The following POLRMT variants were observed in gnomAD, a reference collection of about 807,000 sequenced individuals.
POLRMT encodes the protein RNA polymerase mitochondrial, also known as DNA-directed RNA polymerase, mitochondrial.
Under a neutral mutation model 132.2 loss-of-function variants are expected in POLRMT, and 114 were observed. That is an observed-to-expected ratio of 0.86 (90% CI 0.74 to 1.01). The LOEUF (loss-of-function observed/expected upper bound fraction) is 1.01, where lower values mean the gene tolerates loss of function less well. POLRMT is among the 50% of genes least tolerant of loss of function. The pLI is 0.00. For synonymous variants in POLRMT, 1,020 were observed against 773.4 expected (o/e 1.32, Z -5.29); for missense variants, 2,003 against 1,729.1 (o/e 1.16, Z -2.81).
rs10853990 is a variant in POLRMT, at chr19:619,574, T to G, written c.3066+12A>C. 0.49 allele frequency: 790,373 copies of G among 1,610,862 alleles called. 198,815 individuals carry two copies. Among genetic ancestry groups the G allele is most frequent in the South Asian group, 0.74 (67,394 of 90,998 alleles). On this transcript the variant is annotated intron_variant, in intron 13 of 20. Coordinates refer to ENST00000588649, the MANE Select transcript of POLRMT (RefSeq NM_005035.4). ...AAACCAACGTGTTCGCAGCGCGACA[T>G]GCCTGGCGCACCTGGGGAAAGTCGC...
chr19:618,029 A>G, intron 17 of POLRMT, 180 bp from the exon 18 acceptor site: 3 of 602,366 alleles, frequency 5.0e-6, no homozygotes, highest in Non-Finnish European at 8.8e-6. Flanking sequence ...GTATCAGTAC[A>G]GGGGGAGGAA....
In POLRMT at chr19:622,757, G is replaced by A. The variant is rs553415352; in HGVS notation, c.1456-5C>T. The A allele has an allele frequency of 5.7e-6, 9 of 1,582,934 alleles. No individual in the cohort carries two copies. The African/African-American group carries it at 9.4e-5, about 17-fold the overall frequency. ...GGCGGGCAGCGCCTGCAGGACCTGC[G>A]GAAGGCAGCCGTGAGTGCCTGCCCG... On this transcript the variant is annotated splice_region_variant and splice_polypyrimidine_tract_variant and intron_variant, in intron 7 of 20. Coordinates refer to ENST00000588649, the MANE Select transcript of POLRMT (RefSeq NM_005035.4).
Position 617,771 on chromosome 19 carries a change from G to C in POLRMT, c.3495+6C>G. 1.2e-6 allele frequency: 2 copies of C among 1,613,190 alleles called. No homozygotes were observed. The highest frequency in any genetic ancestry group is 2.7e-5 in the African/African-American group (2 of 75,000). ...GGGTGGACTGAGGCTCAGACTACGG[G>C]GGCACCTGGTTCATGACGGAGACAT... On this transcript the variant is annotated splice_donor_region_variant and intron_variant, in intron 18 of 20. Coordinates refer to ENST00000588649, the MANE Select transcript of POLRMT (RefSeq NM_005035.4).
intron 17 of POLRMT, chr19:618,243 T>C (rs1600553070): frequency 3.6e-6 from 2 of 551,098 alleles, no homozygotes; most frequent in Non-Finnish European, 6.5e-6. Context: ...TGCCAAGAAA[T>C]GCCCAGCAGG....
rs746331520 is a variant in POLRMT, at chr19:629,653, C to G, written c.709G>C (p.Asp237His). Residue 237 changes from aspartate to histidine, a missense_variant, in exon 3 of 21, where the codon GAC becomes CAC. Asp to His is a moderately conservative substitution (Grantham distance 81, BLOSUM62 -1). Coordinates refer to ENST00000588649, the MANE Select transcript of POLRMT (RefSeq NM_005035.4). ...AGGTGGTGGGCGAGGGGCAGCTGGT[C>G]AGTGAGCAGGCAGCACTTGAAGAAG... ...LAFFKCCLLTDQLPLAHHLLV... is the reference protein window; with the variant it reads ...LAFFKCCLLTHQLPLAHHLLV... 5.6e-6 allele frequency: 9 copies of G among 1,610,426 alleles called. No individual in the cohort carries two copies. The South Asian group carries it at 9.9e-5, about 18-fold the overall frequency.
rs756496884 is a variant in POLRMT, at chr19:617,270, G to C, written c.*4C>G. 1.4e-5 allele frequency: 22 copies of C among 1,612,728 alleles called. No individual in the cohort carries two copies. Among genetic ancestry groups the C allele is most frequent in the Non-Finnish European group, 1.7e-5 (20 of 1,179,832 alleles). ...ATTTACACACTGACAAGGCTCACGG[G>C]GTGTCAGCTGAAGAAGTAGGTGGAA... On this transcript the variant is annotated 3_prime_UTR_variant, in exon 21 of 21. Coordinates refer to ENST00000588649, the MANE Select transcript of POLRMT (RefSeq NM_005035.4).
Position 624,778 on chromosome 19 carries a change from G to A in POLRMT, c.1081C>T (p.Pro361Ser). The A allele has an allele frequency of 1.2e-6, 2 of 1,613,652 alleles. No individual in the cohort carries two copies. The highest frequency in any genetic ancestry group is 1.7e-6 in the Non-Finnish European group (2 of 1,180,016). The change falls in exon 5 of 21, where the codon CCG (proline) becomes TCG (serine). Residue 361 changes from proline (P) to serine (S), a missense_variant. Coordinates refer to ENST00000588649, the MANE Select transcript of POLRMT (RefSeq NM_005035.4). ...VHKVKPTFSL[P>S]PQLPPPVNTS... ...TTGACCGGGGGCGGCAGCTGCGGCG[G>A]GAGGCTGAAGGTGGGCTTCACCTTG...
chr19:621,362 G>A lies in POLRMT; in HGVS notation c.2336C>T (p.Ala779Val), dbSNP rs760792676. 25 of 1,564,820 alleles carry A rather than the reference G, an allele frequency of 1.6e-5. No individual in the cohort carries two copies. The highest frequency in any genetic ancestry group is 9.1e-5 in the Admixed American group (5 of 54,884). The change falls in exon 10 of 21, where the codon GCG becomes GTG. Residue 779 changes from alanine to valine, a missense_variant. By Grantham distance (64) the Ala-to-Val change is moderately conservative. Transcript: ENST00000588649. The stretch of plus-strand genomic sequence containing the variant: ...CTGCGCCAGCGAGAGGCGGTACAGC[G>A]CCTCCGCCCGCAGGCTGTGCATCTC... ...AREMHSLRAE[A>V]LYRLSLAQHL...
chr19:630,643 C>T (rs1600594896), intron 2 of POLRMT, among the ~76,000 whole-genome samples: 1 of 152,288 alleles, frequency 6.6e-6, no homozygotes, highest in South Asian at 2.1e-4. Context: ...CACTCCCTGG[C>T]TCAACCATGG....
At chr19:629,282 C>A (rs1030483439) in intron 3 of POLRMT, among the ~76,000 whole-genome samples, 7 of 152,024 alleles carry the variant, frequency 4.6e-5, no homozygotes, top group Non-Finnish European at 8.8e-5. Flanking sequence ...AGCACCCCTG[C>A]CCAGACAGAT....
At chr19:625,852 G>A (rs1005538421) in intron 3 of POLRMT, among the ~76,000 whole-genome samples, 13 of 151,912 alleles carry the variant, frequency 8.6e-5, no homozygotes, top group Non-Finnish European at 1.2e-4. Flanking sequence ...ACAGGCACAC[G>A]CCACCACACC....
In POLRMT at chr19:630,044, C is replaced by G. The variant is rs548151641; in HGVS notation, c.318G>C (p.Lys106Asn). The G allele has an allele frequency of 1.2e-6, 2 of 1,613,914 alleles. No homozygotes were observed. The highest frequency in any genetic ancestry group is 1.7e-5 in the Admixed American group (1 of 60,030). Residue 106 changes from lysine to asparagine, a missense_variant, in exon 3 of 21, where the codon AAG becomes AAC. By Grantham distance (94) the Lys-to-Asn change is moderately conservative (BLOSUM62 0). Coordinates refer to ENST00000588649, the MANE Select transcript of POLRMT (RefSeq NM_005035.4). ...TGGCATCCTTGGCCCCCATCTGGAC[C>G]TTCCTGGGTGGCTGGAGGCTACCAT... ...SGDGSLQPPR[K>N]VQMGAKDATP...
rs1984110640 is a variant in POLRMT, at chr19:617,758, G to A, written c.3495+19C>T. On this transcript the variant is annotated intron_variant, in intron 18 of 20. Transcript: ENST00000588649. Reference sequence around the variant, plus strand: ...GGGCCCCACCCATGGGTGGACTGAGGCTCAGACTACGGGGGCACCTGGTTC... The same window carrying A: ...GGGCCCCACCCATGGGTGGACTGAGACTCAGACTACGGGGGCACCTGGTTC... The A allele has an allele frequency of 2.5e-6, 4 of 1,612,828 alleles. No homozygotes were observed. Among genetic ancestry groups the A allele is most frequent in the Non-Finnish European group, 2.5e-6 (3 of 1,179,576 alleles).
rs1157976613 is a variant in POLRMT at position 622,931 on chromosome 19, G to C, written c.1345C>G (p.Leu449Val). ...TCTAGGCGGTTCTTGGTCTCCCGCA[G>C]CGCCCGGCACAGTGCTTTCTCCCAT... ...DQWEKALCRA[L>V]RETKNRLERE... is the part of the protein sequence containing the mutation. The change falls in exon 7 of 21, where the codon CTG (leucine) becomes GTG (valine). Residue 449 changes from leucine to valine, a missense_variant. Transcript: ENST00000588649. The C allele has an allele frequency of 6.2e-7, 1 of 1,612,948 alleles. No individual in the cohort carries two copies. Among genetic ancestry groups the C allele is most frequent in the Non-Finnish European group, 8.5e-7 (1 of 1,179,904 alleles).
At chr19:618,619 C>T (rs758963710) in intron 16 of POLRMT, 33 bp from the exon 17 acceptor site, 1 of 1,600,018 alleles carries the variant, frequency 6.2e-7, no homozygotes, top group Admixed American at 1.7e-5. Flanking sequence ...TGGGGGCGGC[C>T]CAGGGACACC....
chr19:617,385 C>A (rs372466780), intron 20 of POLRMT, 34 bp downstream of exon 20: 2 of 1,612,356 alleles, frequency 1.2e-6, no homozygotes, highest in Non-Finnish European at 1.7e-6. Context: ...GCCCGCAGTT[C>A]GAGCCACCCT....
At chr19:620,525 C>A (rs899670670) in intron 10 of POLRMT, 38 bp from the exon 11 acceptor site, 5 of 1,507,228 alleles carry the variant, frequency 3.3e-6, no homozygotes, top group African/African-American at 1.4e-5. Flanking sequence ...GAGGCCCGGG[C>A]CCGATCCCTG....
chr19:618,484 C>A lies in POLRMT; in HGVS notation c.3422+4G>T. The A allele has an allele frequency of 6.3e-7, 1 of 1,593,960 alleles. No individual in the cohort carries two copies. Among genetic ancestry groups the A allele is most frequent in the Non-Finnish European group, 8.6e-7 (1 of 1,165,182 alleles). On this transcript the variant is annotated splice_donor_region_variant and intron_variant, in intron 17 of 20. Transcript: ENST00000588649. ...CGGCACCCACGCCGTCCGGAGACGCCCACCTGTAGCAGTGCAGGGCGGTGA... is the reference window on the plus strand; with the variant it reads ...CGGCACCCACGCCGTCCGGAGACGCACACCTGTAGCAGTGCAGGGCGGTGA...
chr19:622,407 G>A (rs1413872790), intron 8 of POLRMT, 34 bp from the exon 9 acceptor site: 3 of 1,512,620 alleles, frequency 2.0e-6, no homozygotes, highest in Non-Finnish European at 8.9e-7. Context: ...GCTGGGCACC[G>A]GGGCCCCTGA....
Sources: gnomAD v4.1 joint callset for allele counts (sites outside exome capture counted in the v4.1 genomes callset) on GRCh38, gnomAD v4.1.1 for gene constraint, MANE v1.5 for transcripts, NCBI Gene and HGNC (gene_info 2026-07-23, HGNC 2026-07-21) for gene names.